LRP1B: variants seen among roughly 807,000 people sequenced by gnomAD.
LRP1B encodes low-density lipoprotein receptor-related protein 1B.
In LRP1B, 217 loss-of-function variants were observed where a neutral mutation model predicts 556.6. The observed-to-expected ratio is 0.39, with a 90% CI of 0.35 to 0.44. The LOEUF is 0.44. LRP1B is among the 20% of genes least tolerant of loss of function. The pLI is 1.00. For synonymous variants in LRP1B, 2,047 were observed against 1,865.8 expected (o/e 1.10, Z -2.50); for missense variants, 5,053 against 5,620.8 (o/e 0.90, Z 3.23).
intron 41 of LRP1B, among the ~76,000 whole-genome samples, chr2:140,652,650 G>A (rs970855532): frequency 2.0e-5 from 3 of 151,864 alleles, no homozygotes; most frequent in Admixed American, 6.6e-5. Context: ...GATTAGAAAA[G>A]AAAAAATTTA....
At position 141,208,149 on chromosome 2, in the gene LRP1B, A is replaced by G. The variant is rs1382720074; in HGVS notation, c.851-19566T>C. The G allele has an allele frequency of 2.0e-5, 3 of 152,312 alleles. No individual in the cohort carries two copies. The East Asian group carries it at 5.8e-4, about 29-fold the overall frequency. 9.4% of individuals were successfully genotyped at this position (152,312 alleles called of 1,614,324 possible). A position where few individuals can be genotyped will look rare whatever the true frequency, so the allele number is the denominator to read the frequency against. On this transcript the variant is annotated intron_variant, in intron 6 of 90. Coordinates refer to ENST00000389484, the MANE Select transcript of LRP1B (RefSeq NM_018557.3). The stretch of plus-strand genomic sequence containing the variant: ...TTTTATCTTCTTGAAAGCTTTATCC[A>G]TATATTTCTGGTAATGGGACACCAG...
chr2:141,086,987 A>G (rs2104899578), intron 7 of LRP1B, among the ~76,000 whole-genome samples: 1 of 152,316 alleles, frequency 6.6e-6, no homozygotes, highest in Non-Finnish European at 1.5e-5. Flanking sequence ...CTAGAAAAAA[A>G]GTGTTTGCAG....
chr2:141,584,024 A>G (rs1433431990), intron 2 of LRP1B, among the ~76,000 whole-genome samples: 1 of 151,806 alleles, frequency 6.6e-6, no homozygotes, highest in Admixed American at 6.6e-5. Flanking sequence ...CCGGCAAATA[A>G]CTTGAGCCTA....
intron 3 of LRP1B, among the ~76,000 whole-genome samples, chr2:141,309,355 T>C (rs1403153152): frequency 6.6e-6 from 1 of 152,254 alleles, no homozygotes; most frequent in Non-Finnish European, 1.5e-5. Flanking sequence ...GTCTTCTCCT[T>C]CCGTGAACGG....
intron 2 of LRP1B, among the ~76,000 whole-genome samples, chr2:141,608,386 A>AT (rs1241498105): frequency 6.6e-6 from 1 of 152,234 alleles, no homozygotes; most frequent in East Asian, 1.9e-4. Context: ...GAGCAACAGT[A>AT]TACAAGGTCA....
intron 31 of LRP1B, among the ~76,000 whole-genome samples, chr2:140,817,522 T>A (rs1231948408): frequency 6.6e-6 from 1 of 151,872 alleles, no homozygotes; most frequent in Non-Finnish European, 1.5e-5. Context: ...GTTTAATTGT[T>A]ACTGAGACAA....
At chr2:142,080,486 A>G (rs1705669635) in intron 1 of LRP1B, among the ~76,000 whole-genome samples, 1 of 152,202 alleles carries the variant, frequency 6.6e-6, no homozygotes, top group Non-Finnish European at 1.5e-5. Context: ...GTTACCATTC[A>G]GCATTAAGAA....
chr2:141,505,064 G>A (rs946493754), intron 2 of LRP1B, among the ~76,000 whole-genome samples: 1 of 151,378 alleles, frequency 6.6e-6, no homozygotes, highest in African/African-American at 2.4e-5. Context: ...ATTTATTATT[G>A]CTTTGTTTGA....
intron 1 of LRP1B, among the ~76,000 whole-genome samples, chr2:141,894,554 A>C (rs973816583): frequency 2.0e-5 from 3 of 152,164 alleles, no homozygotes; most frequent in Non-Finnish European, 2.9e-5. Context: ...TAGCTTAGGA[A>C]GCAGTAAAAC....
intron 2 of LRP1B, among the ~76,000 whole-genome samples, chr2:141,494,604 A>G (rs1352522720): frequency 1.3e-5 from 2 of 151,796 alleles, no homozygotes; most frequent in Non-Finnish European, 2.9e-5. Context: ...ACAGAGCTGA[A>G]TGTCTTCAAT....
intron 23 of LRP1B, among the ~76,000 whole-genome samples, chr2:140,888,597 A>T (rs1416737161): frequency 6.6e-6 from 1 of 151,940 alleles, no homozygotes; most frequent in East Asian, 1.9e-4. Flanking sequence ...TAAGATATGC[A>T]TTTTAATAAT....
At chr2:142,002,772 C>T (rs1702693882) in intron 1 of LRP1B, among the ~76,000 whole-genome samples, 1 of 152,128 alleles carries the variant, frequency 6.6e-6, no homozygotes, top group South Asian at 2.1e-4. Context: ...GAGAACGTAG[C>T]CACTTTGCAA....
intron 1 of LRP1B, among the ~76,000 whole-genome samples, chr2:141,981,942 G>C (rs1421284484): frequency 6.6e-6 from 1 of 152,028 alleles, no homozygotes; most frequent in Non-Finnish European, 1.5e-5. Flanking sequence ...CTTTGAAAAT[G>C]GCAGAACCTC....
At chr2:142,059,548 T>A (rs908712136) in intron 1 of LRP1B, among the ~76,000 whole-genome samples, 1 of 151,884 alleles carries the variant, frequency 6.6e-6, no homozygotes. Context: ...ATTGTTTTTT[T>A]AAATATAGTA....
chr2:140,533,378 A>G (rs565584825), intron 47 of LRP1B, among the ~76,000 whole-genome samples: 3 of 152,134 alleles, frequency 2.0e-5, no homozygotes, highest in Non-Finnish European at 2.9e-5. Flanking sequence ...ATCCAAATTT[A>G]GACAGTAAAG....
At chr2:141,481,510 G>A (rs1038632721) in intron 2 of LRP1B, among the ~76,000 whole-genome samples, 5 of 152,092 alleles carry the variant, frequency 3.3e-5, no homozygotes, top group South Asian at 2.1e-4. Context: ...GAACTCTGCC[G>A]AATCCATGCG....
intron 1 of LRP1B, among the ~76,000 whole-genome samples, chr2:142,129,612 C>T (rs934686833): frequency 8.4e-6 from 1 of 118,870 alleles, no homozygotes; most frequent in African/African-American, 3.6e-5. Flanking sequence ...CTCTCTCTCT[C>T]TCTCTCTCTC....
chr2:141,398,213 A>G (rs1559048813), intron 3 of LRP1B, among the ~76,000 whole-genome samples: 2 of 152,216 alleles, frequency 1.3e-5, no homozygotes. Flanking sequence ...AAGAATGCAA[A>G]TCAACTCAGC....
chr2:140,539,211 C>T (rs1296351370), intron 45 of LRP1B, among the ~76,000 whole-genome samples: 2 of 152,076 alleles, frequency 1.3e-5, no homozygotes. Flanking sequence ...TAGTACATGG[C>T]CTTTCACCCC....
Sources: gnomAD v4.1 joint callset for allele counts (sites outside exome capture counted in the v4.1 genomes callset) on GRCh38, gnomAD v4.1.1 for gene constraint, MANE v1.5 for transcripts, NCBI Gene and HGNC (gene_info 2026-07-23, HGNC 2026-07-21) for gene names.